Variants in MAGI1 observed in about 807,000 individuals in gnomAD.
The protein encoded by MAGI1 is membrane associated guanylate kinase, WW and PDZ domain containing 1.
MAGI1 carries 58 observed loss-of-function variants against 139.9 expected under a neutral mutation model. That is an observed-to-expected ratio of 0.41 (90% CI 0.34 to 0.52). The LOEUF is 0.52. Among genes scored for constraint, MAGI1 ranks in the 20% least tolerant of loss-of-function variants. The pLI, the probability that MAGI1 is intolerant of heterozygous loss-of-function variation, is 0.12. For missense variants in MAGI1, 1,874 were observed against 1,901.6 expected (o/e 0.99, Z 0.27); for synonymous variants, 812 against 737.9 (o/e 1.10, Z -1.63).
At position 65,429,604 on chromosome 3, in the gene MAGI1, G is replaced by C; in HGVS notation, c.2083C>G (p.Gln695Glu). Residue 695 changes from glutamine (Q) to glutamate (E), a missense_variant, in exon 12 of 23, where the codon CAG becomes GAG. By Grantham distance (29) the Gln-to-Glu change is conservative. Transcript: ENST00000402939. Reference sequence around the variant, plus strand: ...ACCACTTGGTTGTGAGTTAGGGCCTGCACGTTCTTCTTATTAACTTCCACT... The same window carrying C: ...ACCACTTGGTTGTGAGTTAGGGCCTCCACGTTCTTCTTATTAACTTCCACT... ...LIVEVNKKNV[Q>E]ALTHNQVVDM... The C allele has an allele frequency of 6.2e-7, 1 of 1,613,964 alleles. No individual in the cohort carries two copies. Among genetic ancestry groups the C allele is most frequent in the South Asian group, 1.1e-5 (1 of 91,082 alleles).
intron 1 of MAGI1, among the ~76,000 whole-genome samples, chr3:66,006,305 C>A (rs144779364): frequency 1.3e-5 from 2 of 152,092 alleles, no homozygotes; most frequent in African/African-American, 4.8e-5. Context: ...GTATTGGATA[C>A]GACAAAAAAT....
chr3:65,425,854 T>A (rs1239111883), intron 12 of MAGI1, among the ~76,000 whole-genome samples: 2 of 152,082 alleles, frequency 1.3e-5, no homozygotes, highest in African/African-American at 2.4e-5. Context: ...GAGCCTTTTT[T>A]AAAAAAAGTA....
At chr3:65,776,001 A>G (rs1353888557) in intron 1 of MAGI1, among the ~76,000 whole-genome samples, 1 of 152,148 alleles carries the variant, frequency 6.6e-6, no homozygotes, top group African/African-American at 2.4e-5. Context: ...TTTGCAAAAC[A>G]AAAACATTAA....
rs115642508 is a variant in MAGI1 at position 65,807,727 on chromosome 3, T to G, written c.314-185639A>C. Among the ~76,000 whole-genome samples, 714 of 152,254 alleles carry G rather than the reference T, an allele frequency of 4.7e-3. 5 individuals carry two copies. The highest frequency in any genetic ancestry group is 0.016 in the African/African-American group (682 of 41,552). On this transcript the variant is annotated intron_variant, in intron 1 of 22. Coordinates refer to ENST00000402939, the MANE Select transcript of MAGI1 (RefSeq NM_001033057.2). ...AGATAATGTCTGGTAGTGAGTGAAG[T>G]AGGCCGCCACCAGACTGCAAATGCT... is the stretch of plus-strand genomic sequence containing the variant.
chr3:65,455,780 T>C (rs1268481039), intron 5 of MAGI1, among the ~76,000 whole-genome samples: 3 of 152,200 alleles, frequency 2.0e-5, no homozygotes, highest in Non-Finnish European at 2.9e-5. Context: ...GAATGTTATG[T>C]AAATGGAATC....
chr3:65,452,176 T>C (rs1158050314), intron 6 of MAGI1, among the ~76,000 whole-genome samples: 1 of 152,100 alleles, frequency 6.6e-6, no homozygotes, highest in Non-Finnish European at 1.5e-5. Flanking sequence ...GCCTCCTAAG[T>C]TAGAAGGACT....
chr3:65,660,412 T>C (rs1455285436), intron 1 of MAGI1, among the ~76,000 whole-genome samples: 1 of 152,244 alleles, frequency 6.6e-6, no homozygotes, highest in Non-Finnish European at 1.5e-5. Context: ...TCTGTGAAAC[T>C]TGACCTTGTC....
rs975625365 is a variant in MAGI1 at position 65,356,610 on chromosome 3, C to T, written c.4157G>A (p.Arg1386His). ...GCGCTCGGGCGAGCCCCCTCTCCTGCGCTCGGGGGACCTCCTCTGCTCCAG... is the reference window on the plus strand; with the variant it reads ...GCGCTCGGGCGAGCCCCCTCTCCTGTGCTCGGGGGACCTCCTCTGCTCCAG... ...RLLEQRRSPERRRGGSPERRA... is the reference protein window; with the variant it reads ...RLLEQRRSPEHRRGGSPERRA... The change falls in exon 23 of 23, where the codon CGC becomes CAC. Residue 1386 changes from arginine (R) to histidine (H), a missense_variant. Physicochemically the swap from Arg to His is conservative, Grantham distance 29. This residue lies in a region of MAGI1 where 653 missense variants were observed against 644.5 expected (regional missense o/e 1.01). Transcript: ENST00000402939. The T allele has an allele frequency of 4.4e-6, 7 of 1,594,576 alleles. No individual in the cohort carries two copies. The highest frequency in any genetic ancestry group is 5.1e-6 in the Non-Finnish European group (6 of 1,172,720).
At chr3:65,913,364 T>A (rs2061753146) in intron 1 of MAGI1, among the ~76,000 whole-genome samples, 2 of 152,160 alleles carry the variant, frequency 1.3e-5, no homozygotes, top group Non-Finnish European at 2.9e-5. Context: ...TAGATGGAAT[T>A]AGGATTATTC....
intron 1 of MAGI1, among the ~76,000 whole-genome samples, chr3:65,945,308 T>C (rs1053319989): frequency 6.6e-6 from 1 of 152,194 alleles, no homozygotes; most frequent in Non-Finnish European, 1.5e-5. Context: ...GTACAGATTA[T>C]TTCATCACCC....
rs914994053 is a variant in MAGI1 at position 65,490,216 on chromosome 3, C to G, written c.550+3296G>C. Among the ~76,000 whole-genome samples, 3 of 152,188 alleles carry G rather than the reference C, an allele frequency of 2.0e-5. No homozygotes were observed. In the East Asian group the frequency reaches 5.8e-4, roughly 29 times the overall value. On this transcript the variant is annotated intron_variant, in intron 3 of 22. Transcript: ENST00000402939. ...CAATTATTGTCTCATTTAGCCCTAC[C>G]TCTGAGGAAGCACTATTATTATCCT...
At chr3:66,026,287 A>G (rs1260661921) in intron 1 of MAGI1, among the ~76,000 whole-genome samples, 1 of 152,180 alleles carries the variant, frequency 6.6e-6, no homozygotes, top group Non-Finnish European at 1.5e-5. Flanking sequence ...AGGCCCTCTA[A>G]GACCTTCAAC....
At chr3:65,824,931 A>ATT (rs1270402159) in intron 1 of MAGI1, among the ~76,000 whole-genome samples, 1 of 152,314 alleles carries the variant, frequency 6.6e-6, no homozygotes, top group East Asian at 1.9e-4. Context: ...TGGATACTAA[A>ATT]TACTTCAAAA....
chr3:65,733,212 C>T (rs1369624226), intron 1 of MAGI1, among the ~76,000 whole-genome samples: 1 of 152,126 alleles, frequency 6.6e-6, no homozygotes, highest in African/African-American at 2.4e-5. Flanking sequence ...GCACCTGCCA[C>T]CACGCCCCGC....
intron 1 of MAGI1, among the ~76,000 whole-genome samples, chr3:65,809,382 T>C (rs1051149843): frequency 6.6e-6 from 1 of 152,152 alleles, no homozygotes; most frequent in Non-Finnish European, 1.5e-5. Context: ...TAAAACTTTA[T>C]CAAGATGACA....
rs867345764 is a variant in MAGI1 at position 65,869,075 on chromosome 3, G to A, written c.313+168921C>T. Among the ~76,000 whole-genome samples the A allele has an allele frequency of 2.4e-4, 37 of 151,998 alleles. No individual in the cohort carries two copies. In the Middle Eastern group the frequency reaches 0.01, roughly 42 times the overall value. ...GAGGTCAGGAGATCGAGACCACGGCGAAACCCTGTCTCTACTAAAAATACA... is the reference window on the plus strand; with the variant it reads ...GAGGTCAGGAGATCGAGACCACGGCAAAACCCTGTCTCTACTAAAAATACA... On this transcript the variant is annotated intron_variant, in intron 1 of 22. Coordinates refer to ENST00000402939, the MANE Select transcript of MAGI1 (RefSeq NM_001033057.2).
chr3:65,401,676 T>A (rs748781852), intron 12 of MAGI1: 9 of 1,543,926 alleles, frequency 5.8e-6, no homozygotes, highest in Admixed American at 2.0e-5. Context: ...GCAGGAGATC[T>A]ATCTGCATTA....
intron 12 of MAGI1, among the ~76,000 whole-genome samples, chr3:65,411,609 C>T (rs568964712): frequency 2.6e-5 from 4 of 152,166 alleles, no homozygotes; most frequent in South Asian, 4.1e-4. Context: ...TTAAGGTCAC[C>T]GGCCCCAAAG....
chr3:65,613,063 G>T (rs1002602071), intron 2 of MAGI1, among the ~76,000 whole-genome samples: 14 of 152,144 alleles, frequency 9.2e-5, no homozygotes, highest in African/African-American at 3.1e-4. Context: ...TTTTAAAAAT[G>T]GTCTTTAAGG....
Sources: allele counts gnomAD v4.1 joint callset (sites outside exome capture counted in the v4.1 genomes callset), GRCh38; gene constraint gnomAD v4.1.1; regional missense constraint gnomAD v4.1.1; transcripts MANE v1.5; gene names NCBI Gene and HGNC (gene_info 2026-07-23, HGNC 2026-07-21).